Variants in BCKDHB observed in about 807,000 individuals in gnomAD.
BCKDHB encodes the protein branched chain keto acid dehydrogenase E1 subunit beta.
Under a neutral mutation model 48.5 loss-of-function variants are expected in BCKDHB, and 41 were observed. That is an observed-to-expected ratio of 0.85 (90% CI 0.66 to 1.10). The LOEUF is 1.10. Among genes scored for constraint, BCKDHB ranks in the 50% least tolerant of loss-of-function variants. BCKDHB has a pLI of 0.00. For synonymous variants in BCKDHB, 201 were observed against 174.8 expected (o/e 1.15, Z -1.18); for missense variants, 496 against 494.2 (o/e 1.00, Z -0.03).
At chr6:80,414,873 C>T in the BCKDHB span, among the ~76,000 whole-genome samples, 2 of 152,146 alleles carry the variant, frequency 1.3e-5, no homozygotes, top group African/African-American at 4.8e-5. Context: ...GATATTGAAT[C>T]TTCCTATTCG....
chr6:80,293,570 G>A (rs1193166933), intron 9 of BCKDHB, among the ~76,000 whole-genome samples: 2 of 152,158 alleles, frequency 1.3e-5, no homozygotes, highest in Non-Finnish European at 2.9e-5. Flanking sequence ...TCTCTGACAT[G>A]CCCTGGAGAC....
intron 1 of BCKDHB, among the ~76,000 whole-genome samples, chr6:80,107,752 GA>G (rs1769201716): frequency 6.6e-6 from 1 of 151,934 alleles, no homozygotes; most frequent in African/African-American, 2.4e-5. Flanking sequence ...AGGTGAAGGG[GA>G]TGAGAGGAGG....
In BCKDHB at chr6:80,345,914, ATATGG is replaced by A. The variant is rs1770178680; in HGVS notation, c.*2114_*2118del. ...ACAACTCCAATATGCTAAAAGTTAA[ATATGG>A]TATTTAAGAAAATAGTCATGTATGC... On this transcript the variant is annotated 3_prime_UTR_variant, in exon 10 of 10. Transcript: ENST00000320393. 6.6e-6 allele frequency: 1 copy of A among 152,248 alleles called. No individual in the cohort carries two copies. Among genetic ancestry groups the A allele is most frequent in the Non-Finnish European group, 1.5e-5 (1 of 68,040 alleles). 9.4% of individuals were successfully genotyped at this position (152,248 alleles called of 1,614,324 possible).
At position 80,203,166 on chromosome 6, in the gene BCKDHB, T is replaced by G; in HGVS notation, c.905T>G (p.Ile302Ser). Residue 302 changes from isoleucine (I) to serine (S), a missense_variant, in exon 8 of 10, where the codon ATT becomes AGT. Coordinates refer to ENST00000320393, the MANE Select transcript of BCKDHB (RefSeq NM_183050.4). ...AAGCTTGGAGTGTCTTGTGAAGTCA[T>G]TGATCTGAGGACTATAATACCTTGG... The part of the protein sequence containing the change: ...KEKLGVSCEV[I>S]DLRTIIPWDV... 6.2e-7 allele frequency: 1 copy of G among 1,612,824 alleles called. No individual in the cohort carries two copies. The highest frequency in any genetic ancestry group is 2.2e-5 in the East Asian group (1 of 44,834).
At chr6:80,411,005 T>C in the BCKDHB span, among the ~76,000 whole-genome samples, 1 of 152,236 alleles carries the variant, frequency 6.6e-6, no homozygotes, top group Admixed American at 6.5e-5. Flanking sequence ...GGAGTTGTGA[T>C]CCTTTGCAGG....
the BCKDHB span, among the ~76,000 whole-genome samples, chr6:80,370,787 ATATATAGCG>A: frequency 1.1e-5 from 1 of 94,520 alleles, no homozygotes; most frequent in South Asian, 4.0e-4. Flanking sequence ...GTGTGTGTGT[ATATATAGCG>A]TGTGTGTGTG....
chr6:80,219,993 A>G (rs990387976), intron 8 of BCKDHB, among the ~76,000 whole-genome samples: 2 of 152,176 alleles, frequency 1.3e-5, no homozygotes, highest in Admixed American at 6.6e-5. Context: ...GTGAATCTAA[A>G]TATGAGTCTG....
chr6:80,430,413 G>C, the BCKDHB span, among the ~76,000 whole-genome samples: 3 of 152,088 alleles, frequency 2.0e-5, no homozygotes, highest in East Asian at 5.8e-4. Context: ...TTTTTATGTT[G>C]TTTGGAATAG....
At chr6:80,280,377 G>T (rs1049103632) in intron 9 of BCKDHB, among the ~76,000 whole-genome samples, 1 of 152,174 alleles carries the variant, frequency 6.6e-6, no homozygotes, top group Non-Finnish European at 1.5e-5. Context: ...AAACTCCTAG[G>T]TAGTTGTGTA....
At chr6:80,279,198 G>C (rs112564882) in intron 9 of BCKDHB, among the ~76,000 whole-genome samples, 16,519 of 151,946 alleles carry the variant, frequency 0.11, 1,114 homozygotes, top group South Asian at 0.25. Context: ...CCATCACCCA[G>C]GCTGGAGTGC....
intron 3 of BCKDHB, among the ~76,000 whole-genome samples, chr6:80,163,580 A>G (rs1772428865): frequency 6.6e-6 from 1 of 151,830 alleles, no homozygotes; most frequent in Non-Finnish European, 1.5e-5. Context: ...ACAATCTTAG[A>G]TCTCTTCTTT....
At chr6:80,347,758 T>C (rs571468090), downstream of BCKDHB, among the ~76,000 whole-genome samples, 12 of 152,332 alleles carry the variant, frequency 7.9e-5, no homozygotes, top group African/African-American at 2.2e-4. Context: ...AAACACTCCC[T>C]TTTCTTCCAA....
chr6:80,324,170 G>A (rs1768907710), intron 9 of BCKDHB, among the ~76,000 whole-genome samples: 2 of 152,166 alleles, frequency 1.3e-5, no homozygotes, highest in African/African-American at 2.4e-5. Flanking sequence ...TTCAGAGGTC[G>A]TTTATAATAG....
intron 3 of BCKDHB, among the ~76,000 whole-genome samples, chr6:80,142,562 A>T (rs1362528702): frequency 6.6e-6 from 1 of 152,134 alleles, no homozygotes; most frequent in East Asian, 1.9e-4. Context: ...ACATATAAAA[A>T]TAATACAAAG....
rs144013900 is a variant in BCKDHB, at chr6:80,150,189, C to A, written c.344-17489C>A. Among the ~76,000 whole-genome samples the A allele has an allele frequency of 1.7e-3, 265 of 152,252 alleles. 1 individual carries two copies. The highest frequency in any genetic ancestry group is 6.0e-3 in the African/African-American group (251 of 41,548). On this transcript the variant is annotated intron_variant, in intron 3 of 9. Transcript: ENST00000320393. ...TCAAATCCAACCTCTATTCTGGACC[C>A]TGCTCATCTTCTTATAGCCCTTGCT...
chr6:80,343,399 C>T (rs542718626), intron 9 of BCKDHB, among the ~76,000 whole-genome samples: 3 of 151,998 alleles, frequency 2.0e-5, no homozygotes, highest in African/African-American at 7.3e-5. Context: ...CGTAGAACAG[C>T]GTATTTGATA....
rs143307983 is a variant in BCKDHB at position 80,184,542 on chromosome 6, C to A, written c.742+13152C>A. Among the ~76,000 whole-genome samples the A allele has an allele frequency of 1.7e-3, 265 of 151,808 alleles. 1 individual carries two copies. The highest frequency in any genetic ancestry group is 6.1e-3 in the African/African-American group (251 of 41,378). On this transcript the variant is annotated intron_variant, in intron 6 of 9. Coordinates refer to ENST00000320393, the MANE Select transcript of BCKDHB (RefSeq NM_183050.4). ...TTTAATAGGCCTTGTGAGATTTATA[C>A]TTTATAGGGAGGTTCTATTTTGGTA... is the stretch of plus-strand genomic sequence containing the variant.
intron 8 of BCKDHB, among the ~76,000 whole-genome samples, chr6:80,272,390 CA>C (rs1192807801): frequency 6.6e-6 from 1 of 152,070 alleles, no homozygotes; most frequent in African/African-American, 2.4e-5. Flanking sequence ...GATAATTTTT[CA>C]ACATATTTTA....
At chr6:80,182,925 A>C (rs1582304585) in intron 6 of BCKDHB, among the ~76,000 whole-genome samples, 1 of 152,048 alleles carries the variant, frequency 6.6e-6, no homozygotes, top group Non-Finnish European at 1.5e-5. Context: ...GCTGGTTTTT[A>C]TATTCATAAA....
Sources: allele counts gnomAD v4.1 joint callset (sites outside exome capture counted in the v4.1 genomes callset), GRCh38; gene constraint gnomAD v4.1.1; transcripts MANE v1.5; gene names NCBI Gene and HGNC (gene_info 2026-07-23, HGNC 2026-07-21).